TSTD2: variants seen among roughly 807,000 people sequenced by gnomAD.
TSTD2 encodes thiosulfate sulfurtransferase like domain containing 2.
TSTD2 carries 37 observed loss-of-function variants against 47.9 expected under a neutral mutation model. The ratio of observed to expected loss-of-function variants is 0.77; its 90% CI spans 0.59 to 1.02. The LOEUF (loss-of-function observed/expected upper bound fraction) is 1.02, where lower values mean the gene tolerates loss of function less well. Among genes scored for constraint, TSTD2 ranks in the 50% least tolerant of loss-of-function variants. The probability of loss-of-function intolerance (pLI) is 0.00; values close to 1 mark genes in which losing one functional copy is unlikely to be tolerated. For synonymous variants in TSTD2, 201 were observed against 215.9 expected, an observed-to-expected ratio of 0.93 and a Z score of 0.61; for missense variants, 586 against 616.0, an observed-to-expected ratio of 0.95 and a Z score of 0.52.
intron 4 of TSTD2, among the ~76,000 whole-genome samples, chr9:97,612,702 T>G (rs1826478271): frequency 6.6e-6 from 1 of 152,174 alleles, no homozygotes; most frequent in Non-Finnish European, 1.5e-5. Flanking sequence ...ATTACAGGCA[T>G]GCGCCACCAA....
At chr9:97,626,735 T>G (rs1017576376) in intron 2 of TSTD2, among the ~76,000 whole-genome samples, 1 of 152,158 alleles carries the variant, frequency 6.6e-6, no homozygotes, top group Non-Finnish European at 1.5e-5. Context: ...AAATAAAAAT[T>G]GAGGGGTCAA....
At chr9:97,610,020 C>CTTTTG (rs1826430848) in intron 6 of TSTD2, among the ~76,000 whole-genome samples, 2 of 152,124 alleles carry the variant, frequency 1.3e-5, no homozygotes, top group African/African-American at 2.4e-5. Flanking sequence ...TAGCAAAAGG[C>CTTTTG]CTATTTGCTC....
chr9:97,620,169 G>A (rs1826607926), intron 3 of TSTD2, among the ~76,000 whole-genome samples: 1 of 152,094 alleles, frequency 6.6e-6, no homozygotes, highest in Non-Finnish European at 1.5e-5. Flanking sequence ...ATGGGGGTAG[G>A]TCTTTCCCAT....
In TSTD2 at chr9:97,601,199, C is replaced by A; in HGVS notation, c.*1270G>T. 1 of 1,292,944 alleles carries A rather than the reference C, an allele frequency of 7.7e-7. No homozygotes were observed. Among genetic ancestry groups the A allele is most frequent in the African/African-American group, 1.5e-5 (1 of 65,680 alleles). 80.1% of individuals were successfully genotyped at this position (1,292,944 alleles called of 1,614,324 possible). ...GCTTCTCCTTAAAACACAATTGCAG[C>A]TGCATTCTGCATCGCTGAAAACTGC... On this transcript the variant is annotated 3_prime_UTR_variant, in exon 10 of 10. Transcript: ENST00000341170.
intron 1 of TSTD2, among the ~76,000 whole-genome samples, chr9:97,631,186 G>T (rs1006953847): frequency 2.0e-5 from 3 of 152,020 alleles, no homozygotes; most frequent in African/African-American, 7.3e-5. Flanking sequence ...GGGTGATCTC[G>T]GCTCACTGCA....
chr9:97,606,360 T>C (rs965623456), intron 6 of TSTD2, 99 bp from the exon 7 acceptor site: 8 of 660,890 alleles, frequency 1.2e-5, no homozygotes, highest in Non-Finnish European at 1.6e-5. Flanking sequence ...TTTGTTTCTT[T>C]CCACCCAAAT....
chr9:97,603,771 C>G (rs1464722761), intron 9 of TSTD2, among the ~76,000 whole-genome samples: 1 of 152,172 alleles, frequency 6.6e-6, no homozygotes, highest in Non-Finnish European at 1.5e-5. Context: ...ATGATTTAAA[C>G]TCACTGCAAC....
Position 97,610,705 on chromosome 9 carries a change from C to T in TSTD2, c.730-254G>A, listed in dbSNP as rs573522389. ...AGCATTTAATTATAAAACTGCAACA[C>T]CGCTGAGCAATTCTAACATGTGACT... On this transcript the variant is annotated intron_variant, in intron 5 of 9. Transcript: ENST00000341170. 10 of 271,546 alleles carry T rather than the reference C, an allele frequency of 3.7e-5. No homozygotes were observed. The South Asian group carries it at 1.3e-3, about 35-fold the overall frequency. The allele number at this position is 271,546 out of a possible 1,614,324, so 16.8% of individuals were successfully genotyped here.
At chr9:97,605,673 T>A in intron 7 of TSTD2, 32 bp from the exon 8 acceptor site, 1 of 1,613,752 alleles carries the variant, frequency 6.2e-7, no homozygotes, top group Non-Finnish European at 8.5e-7. Context: ...AGGAAAATTA[T>A]CAGAAAAACA....
rs1826263439 is a variant in TSTD2, at chr9:97,601,661, G to A, written c.*808C>T. 1.3e-6 allele frequency: 1 copy of A among 794,910 alleles called. No individual in the cohort carries two copies. Among genetic ancestry groups the A allele is most frequent in the Non-Finnish European group, 1.5e-6 (1 of 655,446 alleles). 49.2% of individuals were successfully genotyped at this position (794,910 alleles called of 1,614,324 possible). A position where few individuals can be genotyped will look rare whatever the true frequency, so the allele number is the denominator to read the frequency against. ...CGATTTTGCAGGCCACATAGTGTCT[G>A]TTGCAACTATTCAACTCTGCCATAG... On this transcript the variant is annotated 3_prime_UTR_variant, in exon 10 of 10. Coordinates refer to ENST00000341170, the MANE Select transcript of TSTD2 (RefSeq NM_139246.5).
At chr9:97,616,231 T>C (rs1826539325) in intron 4 of TSTD2, among the ~76,000 whole-genome samples, 1 of 152,048 alleles carries the variant, frequency 6.6e-6, no homozygotes, top group Non-Finnish European at 1.5e-5. Context: ...TGAAAGACCA[T>C]GTTGCTGGAG....
chr9:97,607,811 G>C (rs984041013), intron 6 of TSTD2, among the ~76,000 whole-genome samples: 1 of 152,120 alleles, frequency 6.6e-6, no homozygotes, highest in African/African-American at 2.4e-5. Flanking sequence ...GGCTGAGGCA[G>C]GAGAACTACA....
chr9:97,631,612 A>C (rs1826814165), intron 1 of TSTD2, among the ~76,000 whole-genome samples: 1 of 152,172 alleles, frequency 6.6e-6, no homozygotes, highest in African/African-American at 2.4e-5. Context: ...TCATGCCTGT[A>C]ATCTCAGCAC....
intron 4 of TSTD2, among the ~76,000 whole-genome samples, chr9:97,617,549 T>C (rs1349312126): frequency 6.6e-6 from 1 of 152,258 alleles, no homozygotes; most frequent in African/African-American, 2.4e-5. Context: ...AAGAAAAAGT[T>C]TGCTGACTCC....
At chr9:97,630,166 G>A (rs1826785891) in intron 1 of TSTD2, among the ~76,000 whole-genome samples, 1 of 152,036 alleles carries the variant, frequency 6.6e-6, no homozygotes, top group African/African-American at 2.4e-5. Flanking sequence ...TTCCCCATCA[G>A]ATATCCTACT....
At chr9:97,620,023 T>C (rs1826604576) in intron 3 of TSTD2, among the ~76,000 whole-genome samples, 1 of 152,172 alleles carries the variant, frequency 6.6e-6, no homozygotes, top group African/African-American at 2.4e-5. Flanking sequence ...CTAAAACATA[T>C]TCAGCTCAGA....
At chr9:97,627,698 A>T in intron 1 of TSTD2, 86 bp from the exon 2 acceptor site, 2 of 857,234 alleles carry the variant, frequency 2.3e-6, no homozygotes, top group Non-Finnish European at 3.5e-6. Flanking sequence ...GCAAATCAGC[A>T]TGGGCAAAGT....
chr9:97,612,404 T>G (rs1013719293), intron 4 of TSTD2, among the ~76,000 whole-genome samples: 1 of 152,232 alleles, frequency 6.6e-6, no homozygotes, highest in African/African-American at 2.4e-5. Context: ...TGTCTTTAGG[T>G]CTTTGAGGAA....
At chr9:97,623,712 C>T (rs1826674510) in intron 3 of TSTD2, among the ~76,000 whole-genome samples, 1 of 152,102 alleles carries the variant, frequency 6.6e-6, no homozygotes, top group Non-Finnish European at 1.5e-5. Flanking sequence ...TACAAATTAG[C>T]TGGGTATGGT....
Sources: allele counts gnomAD v4.1 joint callset (sites outside exome capture counted in the v4.1 genomes callset), GRCh38; gene constraint gnomAD v4.1.1; transcripts MANE v1.5; gene names NCBI Gene and HGNC (gene_info 2026-07-23, HGNC 2026-07-21).